The following PLA2G15 variants were observed in gnomAD, a reference collection of about 807,000 sequenced individuals.
The protein encoded by PLA2G15 is phospholipase A2 group XV, also known as lysosomal phospholipase A and acyltransferase.
In PLA2G15, 20 loss-of-function variants were observed where a neutral mutation model predicts 40.9. The ratio of observed to expected loss-of-function variants is 0.49; its 90% CI spans 0.34 to 0.71. PLA2G15 has a LOEUF of 0.71. PLA2G15 is among the 30% of genes least tolerant of loss of function. PLA2G15 has a pLI of 0.01. For synonymous variants in PLA2G15, 223 were observed against 228.2 expected, an observed-to-expected ratio of 0.98 and a Z score of 0.21; for missense variants, 471 against 541.9, an observed-to-expected ratio of 0.87 and a Z score of 1.30.
Position 68,255,415 on chromosome 16 carries a change from C to A in PLA2G15, c.502+35C>A. ...CACTCTCATTCCCTCCCTGACGTCT[C>A]GGGAGGTAGGGGTGAGGTGATCATG... On this transcript the variant is annotated intron_variant, in intron 4 of 5. Coordinates refer to ENST00000219345, the MANE Select transcript of PLA2G15 (RefSeq NM_012320.4). The surrounding 1 kb of genome is among the most constrained non-coding windows in gnomAD (Gnocchi z 5.9). 2.1e-6 allele frequency: 3 copies of A among 1,439,362 alleles called. No individual in the cohort carries two copies. The highest frequency in any genetic ancestry group is 2.9e-6 in the Non-Finnish European group (3 of 1,035,208). The allele number at this position is 1,439,362 out of a possible 1,614,324, so 89.2% of individuals were successfully genotyped here.
Position 68,259,350 on chromosome 16 carries a change from G to A in PLA2G15, c.932G>A (p.Arg311Gln). 1 of 1,614,016 alleles carries A rather than the reference G, an allele frequency of 6.2e-7. No individual in the cohort carries two copies. Among genetic ancestry groups the A allele is most frequent in the Non-Finnish European group, 8.5e-7 (1 of 1,180,006 alleles). Residue 311 changes from arginine to glutamine, a missense_variant, in exon 6 of 6, where the codon CGG becomes CAG. Coordinates refer to ENST00000219345, the MANE Select transcript of PLA2G15 (RefSeq NM_012320.4). The surrounding 1 kb of genome is among the most constrained non-coding windows in gnomAD (Gnocchi z 6.5). The part of the protein sequence containing the change: ...DIGFEDGWLM[R>Q]QDTEGLVEAT... ...GGCTTTGAAGATGGCTGGCTCATGC[G>A]GCAGGACACAGAAGGGCTGGTGGAA...
At position 68,255,976 on chromosome 16, in the gene PLA2G15, G is replaced by T. The variant is rs140788278; in HGVS notation, c.713G>T (p.Arg238Leu). 6.2e-7 allele frequency: 1 copy of T among 1,604,456 alleles called. No homozygotes were observed. Among genetic ancestry groups the T allele is most frequent in the South Asian group, 1.1e-5 (1 of 90,670 alleles). ...APWGGVAKTL[R>L]VLASGDNNRI... is the part of the protein sequence containing the mutation. ...TGGGGGGGCGTGGCCAAGACCCTGC[G>T]CGTCCTGGCTTCAGGTAAGACCCTA... Residue 238 changes from arginine to leucine, a missense_variant, in exon 5 of 6, where the codon CGC (arginine) becomes CTC (leucine). Arg to Leu is a moderately radical substitution (Grantham distance 102). Transcript: ENST00000219345. The surrounding 1 kb of genome is among the most constrained non-coding windows in gnomAD (Gnocchi z 5.9).
At chr16:68,253,707 T>TTTTTG (rs2042375158) in intron 2 of PLA2G15, among the ~76,000 whole-genome samples, 1 of 146,458 alleles carries the variant, frequency 6.8e-6, no homozygotes, top group African/African-American at 2.5e-5. Flanking sequence ...TTTTTTTTTT[T>TTTTTG]GAGACAGGGT....
In PLA2G15 at chr16:68,259,058, TGGGGTCTGGCAGGGGC is replaced by T; in HGVS notation, c.728-87_728-72del. 2.7e-6 allele frequency: 3 copies of T among 1,112,608 alleles called. 1 individual carries two copies. 68.9% of individuals were successfully genotyped at this position (1,112,608 alleles called of 1,614,324 possible). On this transcript the variant is annotated intron_variant, in intron 5 of 5. Coordinates refer to ENST00000219345, the MANE Select transcript of PLA2G15 (RefSeq NM_012320.4). This position sits in a 1 kb window ranked among gnomAD's most constrained non-coding sequence, Gnocchi z 6.5. ...CGGGACTGTGGACTGGGCCCCTGGC[TGGGGTCTGGCAGGGGC>T]CTGGTGGTGAACATGCTGCCCAACC...
intron 1 of PLA2G15, among the ~76,000 whole-genome samples, chr16:68,246,178 GTA>G (rs1382731331): frequency 6.6e-6 from 1 of 152,232 alleles, no homozygotes; most frequent in East Asian, 1.9e-4. Context: ...CAACATGCTT[GTA>G]CTCTTACCCT....
In PLA2G15 at chr16:68,245,412, C is replaced by T. The variant is rs377570352; in HGVS notation, c.-15C>T. Reference sequence around the variant, plus strand: ...CTGAACCTGCATCCCGGACCTGCGGCGACCGTCGTACACCATGGGCCTCCA... The same window carrying T: ...CTGAACCTGCATCCCGGACCTGCGGTGACCGTCGTACACCATGGGCCTCCA... On this transcript the variant is annotated 5_prime_UTR_variant, in exon 1 of 6. Transcript: ENST00000219345. 482 of 1,601,298 alleles carry T rather than the reference C, an allele frequency of 3.0e-4. No homozygotes were observed. The highest frequency in any genetic ancestry group is 4.0e-4 in the Non-Finnish European group (467 of 1,179,070).
rs1246571478 is a variant in PLA2G15 at position 68,259,755 on chromosome 16, AT to A, written c.*100del. The A allele has an allele frequency of 4.5e-6, 5 of 1,121,652 alleles. No individual in the cohort carries two copies. The Admixed American group carries it at 8.7e-5, about 20-fold the overall frequency. 69.5% of individuals were successfully genotyped at this position (1,121,652 alleles called of 1,614,324 possible). ...CGTTTTGCAAAGTTTGTGACTCACC[AT>A]TCAAGGCCCCGAGTCTTGGACTGTG... is the stretch of plus-strand genomic sequence containing the variant. On this transcript the variant is annotated 3_prime_UTR_variant, in exon 6 of 6. Transcript: ENST00000219345. The surrounding 1 kb of genome is among the most constrained non-coding windows in gnomAD (Gnocchi z 6.5).
chr16:68,251,944 A>G (rs1975802), intron 2 of PLA2G15, among the ~76,000 whole-genome samples: 38,302 of 150,518 alleles, frequency 0.25, 6,130 homozygotes, highest in African/African-American at 0.45. Context: ...TGTGATGCCC[A>G]TTTTGATGAC....
chr16:68,259,359 C>T lies in PLA2G15; in HGVS notation c.941C>T (p.Thr314Ile). ...GATGGCTGGCTCATGCGGCAGGACA[C>T]AGAAGGGCTGGTGGAAGCCACGATG... ...FEDGWLMRQD[T>I]EGLVEATMPP... Residue 314 changes from threonine (T) to isoleucine (I), a missense_variant, in exon 6 of 6, where the codon ACA becomes ATA. Thr to Ile is a moderately conservative substitution (Grantham distance 89). Transcript: ENST00000219345. This position sits in a 1 kb window ranked among gnomAD's most constrained non-coding sequence, Gnocchi z 6.5. The T allele has an allele frequency of 6.2e-7, 1 of 1,613,996 alleles. No individual in the cohort carries two copies. Among genetic ancestry groups the T allele is most frequent in the Non-Finnish European group, 8.5e-7 (1 of 1,180,018 alleles).
At chr16:68,257,735 G>T (rs2042413567) in intron 5 of PLA2G15, among the ~76,000 whole-genome samples, 1 of 152,170 alleles carries the variant, frequency 6.6e-6, no homozygotes, top group Non-Finnish European at 1.5e-5. Context: ...ATTTAGTGAG[G>T]ACTCATTATA....
At chr16:68,253,974 C>G (rs990983436) in intron 2 of PLA2G15, among the ~76,000 whole-genome samples, 1 of 152,164 alleles carries the variant, frequency 6.6e-6, no homozygotes, top group East Asian at 1.9e-4. Context: ...CAGGTGTCAG[C>G]CACTGCACCC....
At chr16:68,249,870 G>A (rs889335077) in intron 2 of PLA2G15, among the ~76,000 whole-genome samples, 4 of 151,978 alleles carry the variant, frequency 2.6e-5, no homozygotes, top group Non-Finnish European at 4.4e-5. Context: ...AGTGGAGATG[G>A]TGTTTCACCA....
Position 68,249,331 on chromosome 16 carries a change from AAGCCGAC to A in PLA2G15, c.172_178del (p.Pro58TrpfsTer18). On this transcript the variant is annotated frameshift_variant, in exon 2 of 6. Coordinates refer to ENST00000219345, the MANE Select transcript of PLA2G15 (RefSeq NM_012320.4). LOFTEE classifies it high-confidence loss of function. ...TAACCAACTGGAAGCCAAGCTGGAC[AAGCCGAC>A]AGTGGTGCACTACCTCTGCTCCAAG... 6.2e-7 allele frequency: 1 copy of A among 1,614,146 alleles called. No homozygotes were observed. The highest frequency in any genetic ancestry group is 8.5e-7 in the Non-Finnish European group (1 of 1,179,992).
At chr16:68,252,437 G>A (rs2042362679) in intron 2 of PLA2G15, 3 of 399,210 alleles carry the variant, frequency 7.5e-6, no homozygotes, top group Admixed American at 5.9e-5. Context: ...TCGCACAGAG[G>A]CACAAGGCTT....
intron 1 of PLA2G15, chr16:68,248,570 A>AGAGAT: frequency 4.6e-6 from 1 of 218,572 alleles, no homozygotes; most frequent in Non-Finnish European, 9.7e-6. Flanking sequence ...TATTTTTAGT[A>AGAGAT]GAGATGGGCT....
intron 2 of PLA2G15, chr16:68,252,725 T>C: frequency 2.5e-6 from 1 of 403,250 alleles, no homozygotes; most frequent in South Asian, 1.8e-5. Flanking sequence ...CCCAGCACTT[T>C]GGGAGGCTAA....
chr16:68,249,493 C>T (rs1169691228), intron 2 of PLA2G15, 47 bp downstream of exon 2: 1 of 1,560,908 alleles, frequency 6.4e-7, no homozygotes, highest in Non-Finnish European at 8.8e-7. Context: ...CCAACAGTGC[C>T]TGAGAGGCCT....
rs959597565 is a variant in PLA2G15, at chr16:68,245,543, A to C, written c.117A>C (p.Pro39=). The C allele has an allele frequency of 5.1e-6, 8 of 1,581,982 alleles. No individual in the cohort carries two copies. Among genetic ancestry groups the C allele is most frequent in the Non-Finnish European group, 8.5e-7 (1 of 1,169,972 alleles). Residue 39 remains proline, a synonymous_variant, in exon 1 of 6, where the codon CCA becomes CCC. Coordinates refer to ENST00000219345, the MANE Select transcript of PLA2G15 (RefSeq NM_012320.4). The part of the protein sequence containing the change: ...DPALPAGRHP[P]VVLVPGDLGN... ...CGCTCCCGGCCGGACGTCACCCCCC[A>C]GTGGTGCTGGGTGAGGCACGGGTCT...
At chr16:68,248,076 C>A (rs1021289988) in intron 1 of PLA2G15, among the ~76,000 whole-genome samples, 1 of 152,194 alleles carries the variant, frequency 6.6e-6, no homozygotes, top group East Asian at 1.9e-4. Flanking sequence ...GTTTCCAATA[C>A]GGGCTCCCAG....
Sources: allele counts gnomAD v4.1 joint callset (sites outside exome capture counted in the v4.1 genomes callset), GRCh38; gene constraint gnomAD v4.1.1; non-coding constraint Gnocchi (gnomAD v3.1); transcripts MANE v1.5; gene names NCBI Gene and HGNC (gene_info 2026-07-23, HGNC 2026-07-21).